GPC6: variants seen among roughly 807,000 people sequenced by gnomAD.
The protein encoded by GPC6 is glypican-6.
GPC6 carries 14 observed loss-of-function variants against 55.2 expected under a neutral mutation model. The observed-to-expected ratio is 0.25, with a 90% CI of 0.17 to 0.40. The LOEUF is 0.40. Among genes scored for constraint, GPC6 ranks in the 10% least tolerant of loss-of-function variants. The pLI is 1.00. For synonymous variants in GPC6, 278 were observed against 259.6 expected (o/e 1.07, Z -0.68); for missense variants, 641 against 708.5 (o/e 0.90, Z 1.08).
At chr13:93,556,958 A>C (rs1220860464) in intron 2 of GPC6, among the ~76,000 whole-genome samples, 1 of 152,106 alleles carries the variant, frequency 6.6e-6, no homozygotes, top group Admixed American at 6.6e-5. Context: ...ATTCAAACAT[A>C]AGGTATGGTT....
chr13:93,383,336 G>A (rs898558087), intron 1 of GPC6, among the ~76,000 whole-genome samples: 1 of 152,044 alleles, frequency 6.6e-6, no homozygotes, highest in Admixed American at 6.6e-5. Context: ...CTCAGTCTCC[G>A]GAGTAGCTGG....
intron 2 of GPC6, among the ~76,000 whole-genome samples, chr13:93,564,928 T>A (rs1037851692): frequency 1.3e-5 from 2 of 152,202 alleles, no homozygotes; most frequent in Admixed American, 6.5e-5. Flanking sequence ...TCCTTTTCTG[T>A]GCCGTTTCAA....
chr13:94,055,028 T>C (rs1884083193), intron 4 of GPC6, among the ~76,000 whole-genome samples: 1 of 152,202 alleles, frequency 6.6e-6, no homozygotes, highest in African/African-American at 2.4e-5. Flanking sequence ...TTACCATGTG[T>C]CTCAGAAGGT....
chr13:94,083,130 G>GTT (rs769829659), intron 4 of GPC6, among the ~76,000 whole-genome samples: 2 of 152,016 alleles, frequency 1.3e-5, no homozygotes, highest in Non-Finnish European at 2.9e-5. Context: ...CTTTTGTTTT[G>GTT]TTTTTTGAGA....
rs201000882 is a variant in GPC6, at chr13:93,632,617, G to GTATATA, written c.319+87211_319+87216dup. ...TATATGTATATGTGTGTATATATAT[G>GTATATA]TATATATATATATATATATAATAAA... On this transcript the variant is annotated intron_variant, in intron 2 of 8. Transcript: ENST00000377047. Among the ~76,000 whole-genome samples, 36 of 51,776 alleles carry GTATATA rather than the reference G, an allele frequency of 7.0e-4. 1 individual carries two copies. The highest frequency in any genetic ancestry group is 1.2e-3 in the African/African-American group (29 of 24,014). The allele number at this position is 51,776 out of a possible 152,430, so 34.0% of individuals were successfully genotyped here.
chr13:93,473,314 C>T (rs192378360), intron 1 of GPC6, among the ~76,000 whole-genome samples: 1 of 152,314 alleles, frequency 6.6e-6, no homozygotes, highest in East Asian at 1.9e-4. Context: ...CTTTGGTGCC[C>T]AAAGTATGGA....
intron 2 of GPC6, among the ~76,000 whole-genome samples, chr13:93,777,426 G>A (rs1465898091): frequency 6.6e-6 from 1 of 152,100 alleles, no homozygotes; most frequent in Non-Finnish European, 1.5e-5. Context: ...AGGCATTCCA[G>A]TGTGCTCTGA....
chr13:93,511,102 C>T (rs925999227), intron 1 of GPC6, among the ~76,000 whole-genome samples: 7 of 146,596 alleles, frequency 4.8e-5, no homozygotes, highest in Admixed American at 3.5e-4. Context: ...AGTCCCCTGT[C>T]GGATGAATAG....
At chr13:93,534,279 T>C (rs1246545815) in intron 1 of GPC6, among the ~76,000 whole-genome samples, 2 of 152,108 alleles carry the variant, frequency 1.3e-5, no homozygotes, top group African/African-American at 4.8e-5. Flanking sequence ...TTACTTTCTA[T>C]CTACTTCCTA....
chr13:94,090,338 T>G (rs1885435400), intron 4 of GPC6, among the ~76,000 whole-genome samples: 1 of 152,084 alleles, frequency 6.6e-6, no homozygotes, highest in South Asian at 2.1e-4. Context: ...GGGAGCTACA[T>G]TTCAAGATGA....
intron 1 of GPC6, among the ~76,000 whole-genome samples, chr13:93,516,943 A>G (rs993722892): frequency 6.6e-6 from 1 of 152,152 alleles, no homozygotes; most frequent in African/African-American, 2.4e-5. Context: ...GTGGGGCCAA[A>G]GCTAACCAAT....
At chr13:93,507,807 G>A (rs1487527492) in intron 1 of GPC6, among the ~76,000 whole-genome samples, 1 of 151,894 alleles carries the variant, frequency 6.6e-6, no homozygotes, top group Admixed American at 6.6e-5. Context: ...AGCAAGATAT[G>A]AATGTTTTTC....
At chr13:93,295,287 T>G (rs1370134156) in intron 1 of GPC6, among the ~76,000 whole-genome samples, 1 of 57,444 alleles carries the variant, frequency 1.7e-5, no homozygotes, top group African/African-American at 8.2e-5. Context: ...GGAGACCCTG[T>G]CTCAAAAAAA....
chr13:93,336,087 TA>T (rs2139143150), intron 1 of GPC6, among the ~76,000 whole-genome samples: 1 of 152,300 alleles, frequency 6.6e-6, no homozygotes, highest in Non-Finnish European at 1.5e-5. Flanking sequence ...CACATCATCA[TA>T]AAAAAGTGTT....
intron 1 of GPC6, among the ~76,000 whole-genome samples, chr13:93,366,523 A>G (rs1027725442): frequency 6.6e-6 from 1 of 152,114 alleles, no homozygotes; most frequent in Admixed American, 6.6e-5. Context: ...TAAATTATTT[A>G]AATTTCTAAA....
At chr13:94,190,014 C>G (rs1889334398) in intron 4 of GPC6, among the ~76,000 whole-genome samples, 2 of 144,578 alleles carry the variant, frequency 1.4e-5, no homozygotes, top group Admixed American at 6.9e-5. Context: ...GAGCAAGACT[C>G]TGTCTCAAAA....
intron 2 of GPC6, among the ~76,000 whole-genome samples, chr13:93,694,223 AT>A (rs1463471244): frequency 6.6e-6 from 1 of 152,228 alleles, no homozygotes; most frequent in East Asian, 1.9e-4. Context: ...TTACGGCACA[AT>A]GTTTCTCTTT....
intron 4 of GPC6, among the ~76,000 whole-genome samples, chr13:94,270,819 C>G (rs9301948): frequency 3.3e-5 from 5 of 152,094 alleles, no homozygotes; most frequent in African/African-American, 1.2e-4. Flanking sequence ...ATGGGAAGTT[C>G]TGAAAGAGTC....
intron 3 of GPC6, among the ~76,000 whole-genome samples, chr13:93,916,458 G>A (rs183221120): frequency 8.7e-4 from 132 of 152,236 alleles, no homozygotes; most frequent in African/African-American, 3.0e-3. Context: ...TCTTTCTCAA[G>A]AGGAAACTGA....
Sources: allele counts gnomAD v4.1 joint callset (sites outside exome capture counted in the v4.1 genomes callset), GRCh38; gene constraint gnomAD v4.1.1; transcripts MANE v1.5; gene names NCBI Gene and HGNC (gene_info 2026-07-23, HGNC 2026-07-21).